SYN2: variants seen among roughly 807,000 people sequenced by gnomAD.
SYN2 encodes the protein synapsin II.
SYN2 carries 19 observed loss-of-function variants against 50.9 expected under a neutral mutation model. The observed-to-expected ratio is 0.37, with a 90% CI of 0.26 to 0.55. The LOEUF is 0.55. SYN2 is among the 20% of genes least tolerant of loss of function. SYN2 has a pLI of 0.81. For missense variants in SYN2, 587 were observed against 576.4 expected (o/e 1.02, Z -0.19); for synonymous variants, 255 against 224.9 (o/e 1.13, Z -1.20).
intron 10 of SYN2, among the ~76,000 whole-genome samples, chr3:12,174,606 C>T (rs556839528): frequency 2.6e-5 from 4 of 152,158 alleles, no homozygotes; most frequent in Admixed American, 2.6e-4. Flanking sequence ...CTCAGCTTCC[C>T]GAATAGCTGG....
At chr3:12,015,255 A>G (rs9310398) in intron 1 of SYN2, among the ~76,000 whole-genome samples, 12,366 of 152,212 alleles carry the variant, frequency 0.081, 890 homozygotes, top group East Asian at 0.19. Context: ...GTTAGAAACC[A>G]CAATACCATT....
Position 12,187,559 on chromosome 3 carries a change from C to G in SYN2, c.1560C>G (p.Ala520=). Residue 520 remains alanine (A), a synonymous_variant, in exon 12 of 13, where the codon GCC becomes GCG. Coordinates refer to ENST00000621198, the MANE Select transcript of SYN2 (RefSeq NM_133625.6). The part of the protein sequence containing the change: ...APSSSSSLAE[A]QPPLAAPPQK... The stretch of plus-strand genomic sequence containing the variant: ...CCAGCAGCAGCTCCCTGGCAGAGGC[C>G]CAGCCACCCCTGGCTGCTCCACCAC... 6.4e-7 allele frequency: 1 copy of G among 1,552,338 alleles called. No homozygotes were observed.
chr3:12,094,533 A>T (rs1049349670), intron 1 of SYN2, among the ~76,000 whole-genome samples: 54 of 152,134 alleles, frequency 3.5e-4, no homozygotes, highest in African/African-American at 1.1e-3. Context: ...GTATTAAGTC[A>T]CCTCCATCTA....
At chr3:12,092,329 T>C (rs1256717367) in intron 1 of SYN2, among the ~76,000 whole-genome samples, 2 of 152,238 alleles carry the variant, frequency 1.3e-5, no homozygotes, top group African/African-American at 2.4e-5. Context: ...TATATGTTGC[T>C]CTTTCTTTAA....
chr3:12,011,344 G>A (rs190704603), intron 1 of SYN2, among the ~76,000 whole-genome samples: 140 of 152,306 alleles, frequency 9.2e-4, no homozygotes, highest in Non-Finnish European at 1.6e-3. Context: ...AGAGAAAGGA[G>A]AGGATGATCT....
rs1490873122 is a variant in SYN2, at chr3:12,167,327, T to A, written c.1055+19T>A. The A allele has an allele frequency of 6.2e-7, 1 of 1,604,394 alleles. No homozygotes were observed. Among genetic ancestry groups the A allele is most frequent in the Non-Finnish European group, 8.5e-7 (1 of 1,175,494 alleles). ...CAGACAGGTGAGTTGAGAGAAGGAG[T>A]CCAGTTTCCAGCCCAGTGAGAGGGA... is the stretch of plus-strand genomic sequence containing the variant. On this transcript the variant is annotated intron_variant, in intron 8 of 12. Coordinates refer to ENST00000621198, the MANE Select transcript of SYN2 (RefSeq NM_133625.6).
intron 1 of SYN2, among the ~76,000 whole-genome samples, chr3:12,077,698 A>G (rs1695500859): frequency 6.6e-6 from 1 of 151,972 alleles, no homozygotes; most frequent in Non-Finnish European, 1.5e-5. Context: ...TACGTACCAC[A>G]TTTTCTTTAT....
chr3:12,012,773 G>A (rs1314838051), intron 1 of SYN2, among the ~76,000 whole-genome samples: 1 of 152,120 alleles, frequency 6.6e-6, no homozygotes, highest in East Asian at 1.9e-4. Context: ...GCATGACCTT[G>A]CTTAAGATTT....
rs999197386 is a variant in SYN2 at position 12,171,741 on chromosome 3, G to A, written c.1308+1835G>A. On this transcript the variant is annotated intron_variant, in intron 10 of 12. Transcript: ENST00000621198. ...CATTTCTGTGCCTCAGCATCTTTGT[G>A]TGTAAAGTTAAAGGTTGAACACACT... is the stretch of plus-strand genomic sequence containing the variant. Among the ~76,000 whole-genome samples the A allele has an allele frequency of 3.3e-5, 5 of 152,160 alleles. No homozygotes were observed. The East Asian group carries it at 7.7e-4, about 23-fold the overall frequency.
intron 1 of SYN2, among the ~76,000 whole-genome samples, chr3:12,055,243 C>T (rs1185298915): frequency 6.6e-6 from 1 of 151,788 alleles, no homozygotes. Flanking sequence ...TAAAAATTCC[C>T]CATGTATTTT....
At chr3:12,118,383 C>T (rs1001363434) in intron 1 of SYN2, among the ~76,000 whole-genome samples, 3 of 152,072 alleles carry the variant, frequency 2.0e-5, no homozygotes, top group Non-Finnish European at 4.4e-5. Context: ...GGTAACATAG[C>T]GAGACCCTGT....
At chr3:12,163,068 A>C (rs372654478) in intron 7 of SYN2, among the ~76,000 whole-genome samples, 17 of 151,990 alleles carry the variant, frequency 1.1e-4, no homozygotes, top group Non-Finnish European at 2.2e-4. Context: ...GTGAAACCCC[A>C]TCTCTACTAA....
At chr3:12,187,795 G>C (rs1298858528) in intron 12 of SYN2, among the ~76,000 whole-genome samples, 183 bp downstream of exon 12, 1 of 150,640 alleles carries the variant, frequency 6.6e-6, no homozygotes, top group East Asian at 2.0e-4. Flanking sequence ...TGTGTGTTTG[G>C]TTAAAGGAGT....
intron 1 of SYN2, among the ~76,000 whole-genome samples, chr3:12,028,283 C>A (rs575929580): frequency 6.6e-6 from 1 of 151,926 alleles, no homozygotes; most frequent in Admixed American, 6.6e-5. Flanking sequence ...CATCGTTGGA[C>A]ATTTCGGTTG....
intron 5 of SYN2, among the ~76,000 whole-genome samples, chr3:12,159,725 T>C (rs961743776): frequency 2.6e-5 from 4 of 152,088 alleles, no homozygotes; most frequent in African/African-American, 9.7e-5. Flanking sequence ...TCTGTCATGT[T>C]CTAGAAGGTG....
intron 1 of SYN2, among the ~76,000 whole-genome samples, chr3:12,076,530 A>G (rs1249127657): frequency 6.6e-6 from 1 of 151,940 alleles, no homozygotes; most frequent in Non-Finnish European, 1.5e-5. Flanking sequence ...ACTAGATAAC[A>G]TGATGACCAT....
chr3:12,144,419 GC>G (rs1697097572), intron 3 of SYN2, among the ~76,000 whole-genome samples: 2 of 152,180 alleles, frequency 1.3e-5, no homozygotes, highest in South Asian at 4.1e-4. Flanking sequence ...TTAAGGAGCA[GC>G]TTTAAGGAGT....
Position 12,149,289 on chromosome 3 carries a change from G to C in SYN2, c.685-1948G>C, listed in dbSNP as rs529615531. On this transcript the variant is annotated intron_variant, in intron 4 of 12. Transcript: ENST00000621198. ...GCAGAGCTGGCATTAACTCCCTAGG[G>C]ATGCTGGAGAGCCTTAGGAGCACAG... 2.9e-4 allele frequency among the ~76,000 whole-genome samples: 44 copies of C among 152,346 alleles called. No individual in the cohort carries two copies. The South Asian group carries it at 8.9e-3, about 31-fold the overall frequency.
intron 1 of SYN2, among the ~76,000 whole-genome samples, chr3:12,066,537 G>A (rs892066966): frequency 6.6e-6 from 1 of 152,082 alleles, no homozygotes; most frequent in Admixed American, 6.6e-5. Flanking sequence ...AATCTGGCTG[G>A]CTTTTATGCA....
Sources: allele counts gnomAD v4.1 joint callset (sites outside exome capture counted in the v4.1 genomes callset), GRCh38; gene constraint gnomAD v4.1.1; transcripts MANE v1.5; gene names NCBI Gene and HGNC (gene_info 2026-07-23, HGNC 2026-07-21).